Variants in C11orf58 observed in about 807,000 individuals in gnomAD.
The protein encoded by C11orf58 is small acidic protein.
C11orf58 carries 5 observed loss-of-function variants against 22.7 expected under a neutral mutation model. The observed-to-expected ratio is 0.22, with a 90% CI of 0.12 to 0.46. C11orf58 has a LOEUF of 0.46. Among genes scored for constraint, C11orf58 ranks in the 20% least tolerant of loss-of-function variants. The pLI, the probability that C11orf58 is intolerant of heterozygous loss-of-function variation, is 0.99. For synonymous variants in C11orf58, 71 were observed against 70.7 expected, an observed-to-expected ratio of 1.00 and a Z score of -0.02; for missense variants, 151 against 223.3, an observed-to-expected ratio of 0.68 and a Z score of 2.06.
intron 1 of C11orf58, 57 bp downstream of exon 1, chr11:16,738,898 C>A: frequency 6.2e-7 from 1 of 1,600,470 alleles, no homozygotes; most frequent in Non-Finnish European, 8.5e-7. Flanking sequence ...CTGGAGTAGG[C>A]CGGGAAGGGT....
Position 16,757,038 on chromosome 11 carries a change from G to A in C11orf58, c.*1934G>A, listed in dbSNP as rs1424130458. On this transcript the variant is annotated 3_prime_UTR_variant, in exon 5 of 5. Transcript: ENST00000228136. Reference sequence around the variant, plus strand: ...TATCAGACCCCAAAGTTGTTGCCTTGTTATTTTTTTAATTTCTCACATTTT... The same window carrying A: ...TATCAGACCCCAAAGTTGTTGCCTTATTATTTTTTTAATTTCTCACATTTT... 4.0e-5 allele frequency among the ~76,000 whole-genome samples: 6 copies of A among 151,442 alleles called. No homozygotes were observed. Among genetic ancestry groups the A allele is most frequent in the Non-Finnish European group, 8.8e-5 (6 of 67,902 alleles).
chr11:16,748,854 AT>A (rs1331496568), intron 3 of C11orf58, among the ~76,000 whole-genome samples: 2 of 152,222 alleles, frequency 1.3e-5, no homozygotes, highest in Admixed American at 6.5e-5. Context: ...TCATTATGAT[AT>A]TCTAACCAAG....
Sources: gnomAD v4.1 joint callset for allele counts (sites outside exome capture counted in the v4.1 genomes callset) on GRCh38, gnomAD v4.1.1 for gene constraint, MANE v1.5 for transcripts, NCBI Gene and HGNC (gene_info 2026-07-23, HGNC 2026-07-21) for gene names.